FANCD2: variants seen among roughly 807,000 people sequenced by gnomAD.
The protein encoded by FANCD2 is FA complementation group D2.
Under a neutral mutation model 192.3 loss-of-function variants are expected in FANCD2, and 131 were observed. The ratio of observed to expected loss-of-function variants is 0.68; its 90% CI spans 0.59 to 0.79. FANCD2 has a LOEUF of 0.79. FANCD2 is among the 30% of genes least tolerant of loss of function. The probability of loss-of-function intolerance (pLI) is 0.00; values close to 1 mark genes in which losing one functional copy is unlikely to be tolerated. For synonymous variants in FANCD2, 524 were observed against 612.5 expected (o/e 0.86, Z 2.13); for missense variants, 1,508 against 1,701.6 (o/e 0.89, Z 2.00).
In FANCD2 at chr3:10,057,315, T is replaced by C. The variant is rs556135413; in HGVS notation, c.1657-2979T>C. ...TAGTGTCCTTTGATGCACTAAAGTATTTAGTTTCAATAAAGTCAAATTTAT... is the reference window on the plus strand; with the variant it reads ...TAGTGTCCTTTGATGCACTAAAGTACTTAGTTTCAATAAAGTCAAATTTAT... On this transcript the variant is annotated intron_variant, in intron 18 of 43. Coordinates refer to ENST00000675286, the MANE Select transcript of FANCD2 (RefSeq NM_001018115.3). Among the ~76,000 whole-genome samples the C allele has an allele frequency of 2.3e-4, 35 of 152,270 alleles. 1 individual carries two copies. The South Asian group carries it at 7.2e-3, about 32-fold the overall frequency.
intron 2 of FANCD2, among the ~76,000 whole-genome samples, chr3:10,031,289 G>A (rs2086587541): frequency 3.3e-5 from 5 of 152,126 alleles, no homozygotes; most frequent in African/African-American, 9.7e-5. Context: ...AGATCACGAG[G>A]TCAGGAGATT....
chr3:10,088,951 G>T lies in FANCD2; in HGVS notation c.3683+1G>T. 6.2e-7 allele frequency: 1 copy of T among 1,613,964 alleles called. No individual in the cohort carries two copies. Among genetic ancestry groups the T allele is most frequent in the South Asian group, 1.1e-5 (1 of 91,078 alleles). On this transcript the variant is annotated splice_donor_variant, in intron 36 of 43. Transcript: ENST00000675286. LOFTEE classifies it high-confidence loss of function. ...CCTCCACATTCCCTACACTGACCAG[G>T]TAAGGGAGTTCTTTCCTCCAGTTTT...
At position 10,096,355 on chromosome 3, in the gene FANCD2, T is replaced by C. The variant is rs2125095270; in HGVS notation, c.4068T>C (p.His1356=). ...KIHQDTRLTQ[H]VPLLKKTLEL... The stretch of plus-strand genomic sequence containing the variant: ...ACCAGGACACGAGACTCACCCAACA[T>C]GTGCCTCTGCTCAAAAAGACCCTGG... The change falls in exon 42 of 44, where the codon CAT becomes CAC. Residue 1356 remains histidine, a synonymous_variant. Coordinates refer to ENST00000675286, the MANE Select transcript of FANCD2 (RefSeq NM_001018115.3). 1 of 1,614,170 alleles carries C rather than the reference T, an allele frequency of 6.2e-7. No individual in the cohort carries two copies. Among genetic ancestry groups the C allele is most frequent in the East Asian group, 2.2e-5 (1 of 44,888 alleles).
At chr3:10,046,026 T>TA (rs2086995706) in intron 14 of FANCD2, among the ~76,000 whole-genome samples, 1 of 151,386 alleles carries the variant, frequency 6.6e-6, no homozygotes, top group African/African-American at 2.4e-5. Flanking sequence ...TCTGTAGTAA[T>TA]ATCACTTTCA....
intron 18 of FANCD2, chr3:10,058,180 G>C (rs1202351351): frequency 3.2e-6 from 1 of 313,648 alleles, no homozygotes; most frequent in Non-Finnish European, 6.3e-6. Context: ...TCCGCACGAA[G>C]AGACCGTGGA....
At chr3:10,043,630 G>T (rs757694100) in intron 13 of FANCD2, 38 bp downstream of exon 13, 3 of 1,487,766 alleles carry the variant, frequency 2.0e-6, no homozygotes, top group African/African-American at 2.8e-5. Flanking sequence ...AGGAGGAAAT[G>T]AGTGGCAATT....
chr3:10,082,953 A>T (rs1267932812), intron 32 of FANCD2, among the ~76,000 whole-genome samples: 2 of 152,204 alleles, frequency 1.3e-5, no homozygotes, highest in Non-Finnish European at 2.9e-5. Context: ...GGGGCCTGAC[A>T]TCGTGGCTTA....
intron 2 of FANCD2, among the ~76,000 whole-genome samples, chr3:10,031,395 G>A (rs2086595716): frequency 1.3e-5 from 2 of 151,736 alleles, no homozygotes; most frequent in Non-Finnish European, 2.9e-5. Context: ...CCCAGCTACT[G>A]GGAGGCTGAG....
intron 43 of FANCD2, among the ~76,000 whole-genome samples, 190 bp from the exon 44 acceptor site, chr3:10,100,998 G>C (rs1193998786): frequency 6.6e-6 from 1 of 151,970 alleles, no homozygotes. Context: ...GAACCCGGGA[G>C]GCAGAGGTTG....
At chr3:10,026,851 C>T (rs1274587248) in intron 1 of FANCD2, among the ~76,000 whole-genome samples, 2 of 152,042 alleles carry the variant, frequency 1.3e-5, no homozygotes, top group Non-Finnish European at 2.9e-5. Flanking sequence ...CCGTATTAAC[C>T]GAAGCGGCGA....
intron 3 of FANCD2, 62 bp downstream of exon 3, chr3:10,033,034 G>A (rs1261249196): frequency 7.7e-7 from 1 of 1,303,004 alleles, no homozygotes; most frequent in Non-Finnish European, 1.1e-6. Context: ...CTGAATCATG[G>A]GTTTTCTAAA....
chr3:10,096,888 T>C (rs1032604632), intron 42 of FANCD2, among the ~76,000 whole-genome samples: 4 of 152,210 alleles, frequency 2.6e-5, no homozygotes, highest in African/African-American at 4.8e-5. Context: ...TAATCTCTTA[T>C]TGGGGGACCT....
chr3:10,077,342 G>A (rs1693593355), intron 29 of FANCD2, among the ~76,000 whole-genome samples: 1 of 152,144 alleles, frequency 6.6e-6, no homozygotes, highest in South Asian at 2.1e-4. Context: ...GTTATCACCT[G>A]AGGTCGGGTT....
intron 17 of FANCD2, among the ~76,000 whole-genome samples, chr3:10,051,207 C>T (rs1193567309): frequency 1.3e-5 from 2 of 149,986 alleles, no homozygotes; most frequent in Non-Finnish European, 3.0e-5. Flanking sequence ...GGTGAAACCC[C>T]GTCTCTACTA....
intron 18 of FANCD2, among the ~76,000 whole-genome samples, chr3:10,057,479 C>T (rs1219870608): frequency 1.3e-5 from 2 of 151,956 alleles, no homozygotes; most frequent in South Asian, 4.1e-4. Flanking sequence ...ATTCTCCTGC[C>T]TCAGCCTCCC....
chr3:10,090,754 G>C (rs1269032744), intron 37 of FANCD2, among the ~76,000 whole-genome samples: 1 of 152,172 alleles, frequency 6.6e-6, no homozygotes, highest in African/African-American at 2.4e-5. Context: ...CACTGCGCCC[G>C]GTGGTAGTTG....
At chr3:10,096,263 A>C in intron 41 of FANCD2, 63 bp from the exon 42 acceptor site, 4 of 1,553,378 alleles carry the variant, frequency 2.6e-6, no homozygotes, top group Non-Finnish European at 3.5e-6. Flanking sequence ...AAAGGTTTCT[A>C]TAAGAAATGT....
intron 16 of FANCD2, among the ~76,000 whole-genome samples, chr3:10,048,302 CTT>C (rs1310985337): frequency 3.2e-5 from 2 of 62,380 alleles, no homozygotes; most frequent in Admixed American, 2.7e-4. Context: ...ACATGAGACA[CTT>C]TTTTTTGTTT....
Position 10,088,470 on chromosome 3 carries a change from T to C in FANCD2, c.3488T>C (p.Leu1163Pro), listed in dbSNP as rs531334776. The change falls in exon 35 of 44, where the codon CTC (leucine) becomes CCC (proline). Residue 1163 changes from leucine to proline, a missense_variant. By Grantham distance (98) the Leu-to-Pro change is moderately conservative. This residue lies in a region of FANCD2 where 796 missense variants were observed against 879.4 expected (regional missense o/e 0.91). Transcript: ENST00000675286. Reference protein sequence around the residue: ...EKIASLARQFLCRVWPSGDKE... With the variant: ...EKIASLARQFPCRVWPSGDKE... ...ACAGCTTCCCTTGCCAGACAATTCC[T>C]CTGTCGGGTGTGGCCAAGTGGGGAT... The C allele has an allele frequency of 6.2e-7, 1 of 1,610,572 alleles. No homozygotes were observed. Among genetic ancestry groups the C allele is most frequent in the South Asian group, 1.1e-5 (1 of 90,996 alleles).
Sources: gnomAD v4.1 joint callset for allele counts (sites outside exome capture counted in the v4.1 genomes callset) on GRCh38, gnomAD v4.1.1 for gene constraint, gnomAD v4.1.1 regional missense constraint, MANE v1.5 for transcripts, NCBI Gene and HGNC (gene_info 2026-07-23, HGNC 2026-07-21) for gene names.